PREX1: variants seen among roughly 807,000 people sequenced by gnomAD.
The protein encoded by PREX1 is phosphatidylinositol 3,4,5-trisphosphate-dependent Rac exchanger 1 protein.
A neutral mutation model predicts 198.3 loss-of-function variants in PREX1; 41 were observed. That is an observed-to-expected ratio of 0.21 (90% confidence interval 0.16 to 0.27). The LOEUF (loss-of-function observed/expected upper bound fraction) is 0.27. PREX1 is among the 10% of genes least tolerant of loss of function. The pLI, the probability that PREX1 is intolerant of heterozygous loss-of-function variation, is 1.00. For missense variants in PREX1, 1,620 were observed against 2,200.7 expected (o/e 0.74, Z 5.28); for synonymous variants, 843 against 887.2 (o/e 0.95, Z 0.89).
chr20:48,627,084 G>A (rs1052301605), intron 39 of PREX1, among the ~76,000 whole-genome samples: 1 of 152,194 alleles, frequency 6.6e-6, no homozygotes, highest in Non-Finnish European at 1.5e-5. Flanking sequence ...CTGCTGTTCA[G>A]TTCGCATTTC....
At chr20:48,872,208 C>T in the PREX1 span, among the ~76,000 whole-genome samples, 4 of 151,806 alleles carry the variant, frequency 2.6e-5, no homozygotes, top group Admixed American at 1.3e-4. Context: ...TGTTCTCCTC[C>T]GTGACATACC....
the PREX1 span, among the ~76,000 whole-genome samples, chr20:48,881,711 G>A: frequency 6.6e-6 from 1 of 152,034 alleles, no homozygotes; most frequent in African/African-American, 2.4e-5. Flanking sequence ...GGTCTCAAAC[G>A]CCTGACTTTA....
upstream of PREX1, among the ~76,000 whole-genome samples, chr20:48,831,324 G>A (rs572849388): frequency 1.3e-5 from 2 of 152,298 alleles, no homozygotes; most frequent in African/African-American, 4.8e-5. Context: ...ACTTAGAAAA[G>A]ACCTGCTTAG....
At chr20:48,851,177 C>T in the PREX1 span, among the ~76,000 whole-genome samples, 1 of 152,262 alleles carries the variant, frequency 6.6e-6, no homozygotes, top group East Asian at 1.9e-4. Flanking sequence ...CCCTATCTGG[C>T]CTTTTACAGG....
chr20:48,827,924 C>A lies in PREX1; in HGVS notation c.-64G>T. ...CCGAGCGGCAACTCAGGCGTCCAGG[C>A]GCCCCATCCCGGACGGGGCGCGCCG... On this transcript the variant is annotated 5_prime_UTR_variant, in exon 1 of 40. Coordinates refer to ENST00000371941, the MANE Select transcript of PREX1 (RefSeq NM_020820.4). This position sits in a 1 kb window ranked among gnomAD's most constrained non-coding sequence, Gnocchi z 4.1. 1.5e-6 allele frequency: 1 copy of A among 684,996 alleles called. No homozygotes were observed. Among genetic ancestry groups the A allele is most frequent in the Non-Finnish European group, 1.8e-6 (1 of 559,264 alleles). 42.4% of individuals were successfully genotyped at this position (684,996 alleles called of 1,614,324 possible). A position where few individuals can be genotyped will look rare whatever the true frequency, so the allele number is the denominator to read the frequency against.
chr20:48,888,024 C>T, the PREX1 span, among the ~76,000 whole-genome samples: 1 of 152,098 alleles, frequency 6.6e-6, no homozygotes, highest in Non-Finnish European at 1.5e-5. Context: ...GTGGGTCACA[C>T]CTGTTGTATT....
the PREX1 span, among the ~76,000 whole-genome samples, chr20:48,840,355 GA>G: frequency 1.9e-3 from 255 of 137,490 alleles, 1 homozygote; most frequent in African/African-American, 6.7e-3. Flanking sequence ...AAAAAAAAAA[GA>G]AAAAAAAAAG....
intron 1 of PREX1, among the ~76,000 whole-genome samples, chr20:48,771,822 C>G (rs1300143605): frequency 6.6e-6 from 1 of 152,188 alleles, no homozygotes; most frequent in Admixed American, 6.5e-5. Flanking sequence ...GGGTGTGATG[C>G]CACGCACTAG....
intron 1 of PREX1, among the ~76,000 whole-genome samples, chr20:48,811,020 C>A (rs1004203999): frequency 6.6e-6 from 1 of 152,146 alleles, no homozygotes; most frequent in Non-Finnish European, 1.5e-5. Context: ...GACTGAAGCC[C>A]TGTGCCCTGC....
intron 5 of PREX1, among the ~76,000 whole-genome samples, chr20:48,722,300 C>T (rs979613058): frequency 2.0e-5 from 3 of 152,212 alleles, no homozygotes; most frequent in Admixed American, 6.5e-5. Context: ...GGCACCGACA[C>T]GCTCCAATGT....
At chr20:48,787,415 C>T (rs527336366) in intron 1 of PREX1, among the ~76,000 whole-genome samples, 20 of 151,456 alleles carry the variant, frequency 1.3e-4, no homozygotes, top group South Asian at 4.2e-4. Flanking sequence ...GATTCCAAAA[C>T]ATCACACATT....
At chr20:48,628,800 C>T (rs141161408) in intron 37 of PREX1, among the ~76,000 whole-genome samples, 5 of 152,306 alleles carry the variant, frequency 3.3e-5, no homozygotes, top group Non-Finnish European at 7.4e-5. Context: ...AACATTTATT[C>T]AGCAAATGTT....
intron 9 of PREX1, among the ~76,000 whole-genome samples, chr20:48,689,921 G>T (rs77630663): frequency 3.3e-5 from 5 of 152,156 alleles, no homozygotes; most frequent in African/African-American, 1.2e-4. Context: ...GAGGAGAAGC[G>T]GATGGGTGTG....
At chr20:48,743,031 G>C (rs560498982) in intron 3 of PREX1, among the ~76,000 whole-genome samples, 22 of 152,178 alleles carry the variant, frequency 1.4e-4, no homozygotes, top group Non-Finnish European at 2.2e-4. Context: ...CCCCCTCCAG[G>C]AAGCAGGCCG....
At chr20:48,706,034 TAAC>T (rs2089901243) in intron 6 of PREX1, among the ~76,000 whole-genome samples, 2 of 152,248 alleles carry the variant, frequency 1.3e-5, no homozygotes, top group Admixed American at 6.5e-5. Context: ...TGGAAGCTTG[TAAC>T]AGGTACTAAA....
rs1340940974 is a variant in PREX1 at position 48,692,719 on chromosome 20, CGACCCCT to C, written c.982_988del (p.Arg328GlufsTer68). 6.2e-7 allele frequency: 1 copy of C among 1,614,064 alleles called. No homozygotes were observed. Among genetic ancestry groups the C allele is most frequent in the East Asian group, 2.2e-5 (1 of 44,884 alleles). On this transcript the variant is annotated frameshift_variant, in exon 8 of 40. Transcript: ENST00000371941. LOFTEE classifies it high-confidence loss of function. ...CACCTCCATGACTTCAGTGTTGATT[CGACCCCT>C]GAAGATGTAGAGGGAGCCGTTGATG...
intron 15 of PREX1, among the ~76,000 whole-genome samples, chr20:48,661,579 C>T (rs1205609114): frequency 7.1e-6 from 1 of 140,740 alleles, no homozygotes; most frequent in African/African-American, 2.7e-5. Context: ...ACACACTGAC[C>T]CCTTTCTAGG....
the PREX1 span, among the ~76,000 whole-genome samples, chr20:48,837,255 C>T: frequency 2.0e-5 from 3 of 152,164 alleles, no homozygotes; most frequent in African/African-American, 7.2e-5. Flanking sequence ...CTGTGGGAAG[C>T]AGTGTGGCGA....
intron 14 of PREX1, among the ~76,000 whole-genome samples, chr20:48,670,296 C>T (rs1242030675): frequency 7.9e-6 from 1 of 126,216 alleles, no homozygotes; most frequent in Non-Finnish European, 1.7e-5. Flanking sequence ...ACCCCAACCC[C>T]TCTCTGCCCC....
Sources: gnomAD v4.1 joint callset for allele counts (sites outside exome capture counted in the v4.1 genomes callset) on GRCh38, gnomAD v4.1.1 for gene constraint, Gnocchi (gnomAD v3.1) non-coding constraint, MANE v1.5 for transcripts, NCBI Gene and HGNC (gene_info 2026-07-23, HGNC 2026-07-21) for gene names.